RBFOX1: variants seen among roughly 807,000 people sequenced by gnomAD.
The protein encoded by RBFOX1 is RNA binding fox-1 homolog 1, also known as RNA binding protein fox-1 homolog 1.
Under a neutral mutation model 57.7 loss-of-function variants are expected in RBFOX1, and 8 were observed. The observed-to-expected ratio is 0.14, with a 90% confidence interval of 0.08 to 0.25. The LOEUF is 0.25. Ranked by LOEUF, RBFOX1 falls within the 10% of genes least tolerant of loss-of-function variation. The pLI is 1.00. For synonymous variants in RBFOX1, 326 were observed against 222.4 expected (o/e 1.47, Z -4.15); for missense variants, 611 against 548.5 (o/e 1.11, Z -1.14).
intron 4 of RBFOX1, among the ~76,000 whole-genome samples, chr16:7,193,581 C>T (rs911329502): frequency 6.6e-6 from 1 of 152,164 alleles, no homozygotes; most frequent in Non-Finnish European, 1.5e-5. Flanking sequence ...ATTTTACATG[C>T]ATTACCGTCC....
intron 3 of RBFOX1, among the ~76,000 whole-genome samples, chr16:7,028,609 CAAAAAA>C (rs869138217): frequency 2.2e-5 from 1 of 45,422 alleles, no homozygotes; most frequent in Admixed American, 3.6e-4. Context: ...CACACACACA[CAAAAAA>C]AAAAAAAAAA....
At chr16:6,413,487 G>T (rs2093531534) in intron 2 of RBFOX1, among the ~76,000 whole-genome samples, 1 of 152,138 alleles carries the variant, frequency 6.6e-6, no homozygotes, top group Non-Finnish European at 1.5e-5. Context: ...AATAGATAAT[G>T]GTTAGGACAG....
At chr16:5,533,979 G>A (rs1183118982) in intron 2 of RBFOX1, among the ~76,000 whole-genome samples, 1 of 152,146 alleles carries the variant, frequency 6.6e-6, no homozygotes, top group Non-Finnish European at 1.5e-5. Context: ...CACACATTCG[G>A]AGGCTATGTT....
chr16:7,067,364 A>C (rs2056315732), intron 4 of RBFOX1, among the ~76,000 whole-genome samples: 1 of 152,158 alleles, frequency 6.6e-6, no homozygotes, highest in Admixed American at 6.5e-5. Context: ...TCTTTAGGTC[A>C]GAATTTCAAC....
intron 3 of RBFOX1, among the ~76,000 whole-genome samples, chr16:7,042,157 A>T (rs931147660): frequency 1.2e-4 from 19 of 152,190 alleles, no homozygotes; most frequent in Non-Finnish European, 5.9e-5. Flanking sequence ...TGTTTTATGG[A>T]ACTAGACAAC....
intron 3 of RBFOX1, among the ~76,000 whole-genome samples, chr16:5,672,294 A>G (rs978805854): frequency 3.3e-5 from 5 of 152,168 alleles, no homozygotes; most frequent in African/African-American, 7.2e-5. Context: ...TTACAGATCA[A>G]TAAACCTGCC....
chr16:5,381,622 C>T lies in RBFOX1; in HGVS notation c.220-85594C>T, dbSNP rs569972256. Among the ~76,000 whole-genome samples, 20 of 152,314 alleles carry T rather than the reference C, an allele frequency of 1.3e-4. No individual in the cohort carries two copies. The South Asian group carries it at 2.1e-3, about 16-fold the overall frequency. Reference sequence around the variant, plus strand: ...ATGTGGGACCTTAGCTGTGCTAACTCCCCCATAGGGTTGTTACAAACATTA... The same window carrying T: ...ATGTGGGACCTTAGCTGTGCTAACTTCCCCATAGGGTTGTTACAAACATTA... On this transcript the variant is annotated intron_variant, in intron 1 of 2. Coordinates refer to the RBFOX1 transcript ENST00000585867.
At chr16:6,414,721 C>T (rs2093572313) in intron 2 of RBFOX1, among the ~76,000 whole-genome samples, 1 of 152,170 alleles carries the variant, frequency 6.6e-6, no homozygotes, top group African/African-American at 2.4e-5. Context: ...AATACAGTCT[C>T]TCTTCAAAAC....
chr16:7,270,116 T>C (rs1259382843), intron 4 of RBFOX1, among the ~76,000 whole-genome samples: 4 of 152,210 alleles, frequency 2.6e-5, no homozygotes, highest in South Asian at 4.1e-4. Context: ...ATACTTCTCG[T>C]TGAGAGGTGG....
At chr16:6,697,670 G>A (rs1238890673) in intron 3 of RBFOX1, among the ~76,000 whole-genome samples, 1 of 152,134 alleles carries the variant, frequency 6.6e-6, no homozygotes, top group East Asian at 1.9e-4. Flanking sequence ...ATTAAAAGGG[G>A]AAGAAAACCC....
intron 3 of RBFOX1, among the ~76,000 whole-genome samples, chr16:6,996,379 A>G (rs760411187): frequency 3.9e-5 from 6 of 152,150 alleles, no homozygotes; most frequent in African/African-American, 9.7e-5. Flanking sequence ...GTGTGTGTGC[A>G]TATAAACATG....
intron 3 of RBFOX1, among the ~76,000 whole-genome samples, chr16:5,671,098 A>G (rs1329410942): frequency 2.6e-5 from 4 of 152,242 alleles, no homozygotes; most frequent in Non-Finnish European, 4.4e-5. Flanking sequence ...AGAAACATCC[A>G]TTAGAAAGCA....
At chr16:6,242,614 G>T (rs76378290) in intron 1 of RBFOX1, among the ~76,000 whole-genome samples, 18,389 of 129,666 alleles carry the variant, frequency 0.14, 1,235 homozygotes, top group Middle Eastern at 0.3. Flanking sequence ...GTTTGAGAGA[G>T]GATAATTTAT....
intron 4 of RBFOX1, among the ~76,000 whole-genome samples, chr16:7,504,723 AT>A (rs1567552859): frequency 3.3e-4 from 2 of 6,100 alleles, no homozygotes; most frequent in African/African-American, 4.6e-4. Flanking sequence ...ATATATATAT[AT>A]ATATATATAT....
intron 1 of RBFOX1, among the ~76,000 whole-genome samples, chr16:5,430,944 T>A (rs2067714447): frequency 6.6e-6 from 1 of 152,266 alleles, no homozygotes; most frequent in Admixed American, 6.5e-5. Flanking sequence ...GGGGACCTGC[T>A]CAGTAACACC....
chr16:6,020,072 G>A, intron 1 of RBFOX1, 80 bp downstream of exon 1: 1 of 1,333,472 alleles, frequency 7.5e-7, no homozygotes, highest in South Asian at 1.8e-5. Flanking sequence ...GGAGGGAAGC[G>A]CTAGGTCCCC....
intron 1 of RBFOX1, among the ~76,000 whole-genome samples, chr16:6,130,115 C>G (rs2096619476): frequency 2.0e-5 from 3 of 152,032 alleles, no homozygotes; most frequent in African/African-American, 4.8e-5. Flanking sequence ...ACACATAGGT[C>G]TACCATAGGT....
At chr16:7,273,711 G>A (rs567274167) in intron 4 of RBFOX1, among the ~76,000 whole-genome samples, 33 of 152,302 alleles carry the variant, frequency 2.2e-4, no homozygotes, top group Admixed American at 6.5e-4. Flanking sequence ...AATACAGGAC[G>A]TTTAGTAATT....
At chr16:7,043,361 T>G (rs2046820825) in intron 3 of RBFOX1, among the ~76,000 whole-genome samples, 1 of 152,168 alleles carries the variant, frequency 6.6e-6, no homozygotes, top group Non-Finnish European at 1.5e-5. Flanking sequence ...AATGTGTCAT[T>G]TAGATACACA....
Sources: gnomAD v4.1 joint callset for allele counts (sites outside exome capture counted in the v4.1 genomes callset) on GRCh38, gnomAD v4.1.1 for gene constraint, MANE v1.5 for transcripts, NCBI Gene and HGNC (gene_info 2026-07-23, HGNC 2026-07-21) for gene names.